The following MSANTD3 variants were observed in gnomAD, a reference collection of about 807,000 sequenced individuals.
The protein encoded by MSANTD3 is Myb/SANT DNA binding domain containing 3.
A neutral mutation model predicts 27.7 loss-of-function variants in MSANTD3; 11 were observed. The ratio of observed to expected loss-of-function variants is 0.40; its 90% CI spans 0.25 to 0.66. MSANTD3 has a LOEUF of 0.66. Ranked by LOEUF, MSANTD3 falls within the 30% of genes least tolerant of loss-of-function variation. The pLI, the probability that MSANTD3 is intolerant of heterozygous loss-of-function variation, is 0.41. For synonymous variants in MSANTD3, 131 were observed against 127.2 expected (o/e 1.03, Z -0.20); for missense variants, 250 against 336.5 (o/e 0.74, Z 2.01).
intron 1 of MSANTD3, among the ~76,000 whole-genome samples, chr9:100,428,963 G>A (rs2118163974): frequency 6.6e-6 from 1 of 152,252 alleles, no homozygotes; most frequent in East Asian, 1.9e-4. Flanking sequence ...TGTGGGGAAA[G>A]GCAGGAGAAG....
intron 2 of MSANTD3, chr9:100,449,079 A>T (rs1836823435): frequency 1.0e-6 from 1 of 985,408 alleles, no homozygotes; most frequent in Non-Finnish European, 1.2e-6. Flanking sequence ...CTATGTTAAT[A>T]AATTGGCATT....
intron 1 of MSANTD3, among the ~76,000 whole-genome samples, chr9:100,435,849 A>G (rs1836467911): frequency 6.6e-6 from 1 of 152,226 alleles, no homozygotes; most frequent in African/African-American, 2.4e-5. Flanking sequence ...TACAACCACT[A>G]GGGAATTAGG....
rs573605550 is a variant in MSANTD3 at position 100,445,250 on chromosome 9, C to T, written c.418+2894C>T. On this transcript the variant is annotated intron_variant, in intron 2 of 2. Coordinates refer to ENST00000395067, the MANE Select transcript of MSANTD3 (RefSeq NM_080655.3). ...TGGTAGGAAAAAGGTGGAAAATCTG[C>T]TATAGAGTTATGGCCCTCATTACAT... The T allele has an allele frequency of 9.4e-6, 14 of 1,495,024 alleles. No individual in the cohort carries two copies. In the East Asian group the frequency reaches 2.9e-4, roughly 31 times the overall value. The allele number at this position is 1,495,024 out of a possible 1,614,324, so 92.6% of individuals were successfully genotyped here.
chr9:100,437,836 CATT>C (rs1169264853), intron 1 of MSANTD3, among the ~76,000 whole-genome samples: 1 of 152,044 alleles, frequency 6.6e-6, no homozygotes, highest in Non-Finnish European at 1.5e-5. Context: ...TAACAGAAAA[CATT>C]GAAGTATAAC....
intron 1 of MSANTD3, among the ~76,000 whole-genome samples, chr9:100,432,401 G>A (rs1464695877): frequency 6.6e-6 from 1 of 152,200 alleles, no homozygotes; most frequent in Admixed American, 6.5e-5. Flanking sequence ...AGGCATCATA[G>A]TGGTTGTGAG....
In MSANTD3 at chr9:100,427,335, G is replaced by C. The variant is rs967776151; in HGVS notation, c.-92G>C. 4 of 146,312 alleles carry C rather than the reference G, an allele frequency of 2.7e-5. No individual in the cohort carries two copies. The highest frequency in any genetic ancestry group is 4.6e-5 in the Non-Finnish European group (3 of 65,820). 9.1% of individuals were successfully genotyped at this position (146,312 alleles called of 1,614,324 possible). The stretch of plus-strand genomic sequence containing the variant: ...CTTGCGAGAGGAGCCCAGGCCGCCC[G>C]CCCTCGCGCCTCGCCGGCCCCTCCC... On this transcript the variant is annotated 5_prime_UTR_variant, in exon 1 of 3. Transcript: ENST00000395067.
chr9:100,431,301 CT>C (rs34098873), intron 1 of MSANTD3, among the ~76,000 whole-genome samples: 27,598 of 128,558 alleles, frequency 0.21, 2,896 homozygotes, highest in Middle Eastern at 0.27. Context: ...CATGCCTAGC[CT>C]TTTTTTTTTT....
intron 1 of MSANTD3, among the ~76,000 whole-genome samples, chr9:100,436,766 A>G (rs1836486585): frequency 6.6e-6 from 1 of 152,104 alleles, no homozygotes; most frequent in South Asian, 2.1e-4. Flanking sequence ...GGAGGCATGG[A>G]CCATGTTAAA....
chr9:100,450,593 A>T lies in MSANTD3; in HGVS notation c.455A>T (p.Asp152Val), dbSNP rs542058765. The T allele has an allele frequency of 6.3e-7, 1 of 1,593,080 alleles. No individual in the cohort carries two copies. The highest frequency in any genetic ancestry group is 1.4e-5 in the African/African-American group (1 of 73,792). ...GTTTCAAATAGAGAACTGTGCGATG[A>T]TGAGAAAGAGTTCATACATTTTCCA... ...FAVSNRELCD[D>V]EKEFIHFPVC... Residue 152 changes from aspartate to valine, a missense_variant, in exon 3 of 3, where the codon GAT becomes GTT. Asp to Val is a radical substitution (Grantham distance 152). This residue lies in a region of MSANTD3 where 235 missense variants were observed against 299.3 expected (regional missense o/e 0.79). Coordinates refer to ENST00000395067, the MANE Select transcript of MSANTD3 (RefSeq NM_080655.3).
chr9:100,449,133 C>T (rs1356431156), intron 2 of MSANTD3: 3 of 985,360 alleles, frequency 3.0e-6, no homozygotes, highest in Non-Finnish European at 3.6e-6. Flanking sequence ...AAATGTAAAG[C>T]TTCTCAAGAA....
intron 1 of MSANTD3, chr9:100,429,578 A>G (rs1836321654): frequency 6.6e-6 from 1 of 152,268 alleles, no homozygotes; most frequent in African/African-American, 2.4e-5. Flanking sequence ...GCTACAGTAC[A>G]GTCATGTACA....
At chr9:100,440,310 T>C (rs548418720) in intron 1 of MSANTD3, among the ~76,000 whole-genome samples, 2 of 152,302 alleles carry the variant, frequency 1.3e-5, no homozygotes, top group South Asian at 4.1e-4. Flanking sequence ...GGACTTTCTA[T>C]GTCACCATCT....
rs773838583 is a variant in MSANTD3 at position 100,442,016 on chromosome 9, A to G, written c.78A>G (p.Glu26=). 7 of 1,614,214 alleles carry G rather than the reference A, an allele frequency of 4.3e-6. No homozygotes were observed. The South Asian group carries it at 5.5e-5, about 13-fold the overall frequency. ...AGAGCATCCTGCTGGCTTTAGTAGAAAAGTATAAATATGTGCTGGAATGTA... is the reference window on the plus strand; with the variant it reads ...AGAGCATCCTGCTGGCTTTAGTAGAGAAGTATAAATATGTGCTGGAATGTA... ...LEKSILLALV[E]KYKYVLECKK... is the part of the protein sequence containing the mutation. The change falls in exon 2 of 3, where the codon GAA becomes GAG. Residue 26 remains glutamate (E), a synonymous_variant. Coordinates refer to ENST00000395067, the MANE Select transcript of MSANTD3 (RefSeq NM_080655.3).
At chr9:100,445,138 T>C in intron 2 of MSANTD3, 1 of 1,427,936 alleles carries the variant, frequency 7.0e-7, no homozygotes, top group Non-Finnish European at 9.9e-7. Flanking sequence ...TAAAACAACT[T>C]TGAGTTCATT....
intron 2 of MSANTD3, among the ~76,000 whole-genome samples, chr9:100,442,952 G>T (rs371859338): frequency 5.9e-5 from 9 of 152,184 alleles, no homozygotes; most frequent in Admixed American, 5.9e-4. Flanking sequence ...TTAGTGAGGT[G>T]CTGCAGTTGC....
chr9:100,449,089 TG>T (rs1836823691), intron 2 of MSANTD3: 1 of 985,254 alleles, frequency 1.0e-6, no homozygotes, highest in Admixed American at 6.2e-5. Context: ...AAATTGGCAT[TG>T]TTTTTCTCCA....
intron 2 of MSANTD3, among the ~76,000 whole-genome samples, chr9:100,448,010 G>A (rs1202322869): frequency 6.6e-6 from 1 of 151,982 alleles, no homozygotes; most frequent in Non-Finnish European, 1.5e-5. Context: ...GGGCAACATG[G>A]TGAAACCCCG....
intron 2 of MSANTD3, chr9:100,445,191 A>G (rs1836724507): frequency 6.2e-7 from 1 of 1,610,070 alleles, no homozygotes; most frequent in Non-Finnish European, 8.5e-7. Context: ...AAAGAAAAAG[A>G]AGCCTGGAAT....
rs1256974973 is a variant in MSANTD3, at chr9:100,427,198, G to C, written c.-229G>C. 1 of 146,038 alleles carries C rather than the reference G, an allele frequency of 6.8e-6. No individual in the cohort carries two copies. Among genetic ancestry groups the C allele is most frequent in the Non-Finnish European group, 1.5e-5 (1 of 65,796 alleles). The allele number at this position is 146,038 out of a possible 1,614,324, so 9.0% of individuals were successfully genotyped here. ...GGGCGGTCCGCGAGGGGGCGGCGGC[G>C]TCCGGGCTTTGTGGCCGCGGCGCGC... On this transcript the variant is annotated 5_prime_UTR_variant, in exon 1 of 3. Coordinates refer to ENST00000395067, the MANE Select transcript of MSANTD3 (RefSeq NM_080655.3).
Sources: gnomAD v4.1 joint callset for allele counts (sites outside exome capture counted in the v4.1 genomes callset) on GRCh38, gnomAD v4.1.1 for gene constraint, gnomAD v4.1.1 regional missense constraint, MANE v1.5 for transcripts, NCBI Gene and HGNC (gene_info 2026-07-23, HGNC 2026-07-21) for gene names.